Variants in ADD3 observed in about 807,000 individuals in gnomAD.
ADD3 encodes adducin 3.
In ADD3, 25 loss-of-function variants were observed where a neutral mutation model predicts 80.2. That is an observed-to-expected ratio of 0.31 (90% CI 0.23 to 0.44). The LOEUF (loss-of-function observed/expected upper bound fraction) is 0.44. Among genes scored for constraint, ADD3 ranks in the 20% least tolerant of loss-of-function variants. The probability of loss-of-function intolerance (pLI) is 1.00; values close to 1 mark genes in which losing one functional copy is unlikely to be tolerated. For synonymous variants in ADD3, 284 were observed against 289.6 expected, an observed-to-expected ratio of 0.98 and a Z score of 0.20; for missense variants, 829 against 847.5, an observed-to-expected ratio of 0.98 and a Z score of 0.27.
intron 1 of ADD3, among the ~76,000 whole-genome samples, chr10:110,077,648 AGTTCTGTTCC>A (rs1453952359): frequency 5.3e-5 from 8 of 152,126 alleles, no homozygotes; most frequent in Admixed American, 5.2e-4. Flanking sequence ...TGCAGCCCAA[AGTTCTGTTCC>A]ATGCCTCATC....
At chr10:110,115,000 G>T (rs1285792504) in intron 3 of ADD3, among the ~76,000 whole-genome samples, 1 of 150,606 alleles carries the variant, frequency 6.6e-6, no homozygotes, top group Non-Finnish European at 1.5e-5. Context: ...GATTGCCTGA[G>T]CCTAGGAGTT....
intron 1 of ADD3, among the ~76,000 whole-genome samples, chr10:110,041,734 A>G (rs1204159145): frequency 1.3e-5 from 2 of 152,232 alleles, no homozygotes; most frequent in Non-Finnish European, 2.9e-5. Flanking sequence ...TATATGTTTA[A>G]AAAGCAACTA....
chr10:110,050,248 A>G (rs545554596), intron 1 of ADD3, among the ~76,000 whole-genome samples: 19 of 152,238 alleles, frequency 1.2e-4, no homozygotes, highest in African/African-American at 4.6e-4. Context: ...CCCACATCTC[A>G]TCTTGAATTG....
chr10:110,065,934 G>A (rs1843899350), intron 1 of ADD3, among the ~76,000 whole-genome samples: 1 of 151,934 alleles, frequency 6.6e-6, no homozygotes, highest in South Asian at 2.1e-4. Context: ...TTACTCTCTT[G>A]GGTCTCATGT....
At chr10:109,996,404 A>C (rs1452864013) in exon 1 of ADD3, 2 of 152,184 alleles carry the variant, frequency 1.3e-5, no homozygotes, top group South Asian at 4.1e-4. Context: ...TGAGACTGTG[A>C]GAAACTTGGC....
At chr10:110,066,118 C>G (rs553627796) in intron 1 of ADD3, among the ~76,000 whole-genome samples, 2 of 152,112 alleles carry the variant, frequency 1.3e-5, no homozygotes, top group African/African-American at 4.8e-5. Context: ...TTGGGGTTTT[C>G]TGGACCATGC....
intron 1 of ADD3, among the ~76,000 whole-genome samples, chr10:110,088,189 C>T (rs1366801261): frequency 6.6e-6 from 1 of 152,128 alleles, no homozygotes; most frequent in African/African-American, 2.4e-5. Flanking sequence ...TTCAAATAGG[C>T]CACACTGTGA....
chr10:110,012,731 A>G (rs938881490), intron 1 of ADD3, among the ~76,000 whole-genome samples: 2 of 151,832 alleles, frequency 1.3e-5, no homozygotes, highest in African/African-American at 2.4e-5. Context: ...TACAAGATGT[A>G]TAGGCCTTGG....
At chr10:110,030,079 T>A (rs2133180176) in intron 1 of ADD3, among the ~76,000 whole-genome samples, 1 of 152,244 alleles carries the variant, frequency 6.6e-6, no homozygotes, top group South Asian at 2.1e-4. Context: ...ATCCCAGCAC[T>A]TTGGGAGGCC....
At chr10:110,109,552 A>T (rs1050837422) in intron 2 of ADD3, among the ~76,000 whole-genome samples, 6 of 152,236 alleles carry the variant, frequency 3.9e-5, no homozygotes, top group African/African-American at 1.4e-4. Context: ...ATTGTAATAT[A>T]TGTAATGAGT....
chr10:110,048,441 G>A (rs1857140066), intron 1 of ADD3, among the ~76,000 whole-genome samples: 1 of 152,218 alleles, frequency 6.6e-6, no homozygotes, highest in South Asian at 2.1e-4. Flanking sequence ...GGGCTCAGAA[G>A]AAGACAGGAA....
At chr10:110,076,348 T>A (rs1465922415) in intron 1 of ADD3, among the ~76,000 whole-genome samples, 3 of 152,178 alleles carry the variant, frequency 2.0e-5, no homozygotes. Flanking sequence ...CTTTTTAAAA[T>A]AAAATTCCTA....
chr10:110,103,886 G>C (rs1253445592), intron 2 of ADD3, among the ~76,000 whole-genome samples: 1 of 152,076 alleles, frequency 6.6e-6, no homozygotes, highest in Non-Finnish European at 1.5e-5. Flanking sequence ...TATTTTAAAG[G>C]AACCGCAGTC....
Position 110,123,956 on chromosome 10 carries a change from G to T in ADD3, c.1144-61G>T. 4.0e-6 allele frequency: 6 copies of T among 1,509,684 alleles called. No homozygotes were observed. The South Asian group carries it at 7.2e-5, about 18-fold the overall frequency. 93.5% of individuals were successfully genotyped at this position (1,509,684 alleles called of 1,614,324 possible). A position where few individuals can be genotyped will look rare whatever the true frequency, so the allele number is the denominator to read the frequency against. On this transcript the variant is annotated intron_variant, in intron 9 of 14. Transcript: ENST00000356080. Reference sequence around the variant, plus strand: ...ATCATTTGTATACAAAAGGAATTAGGATCCAAATGCTGTTATTGATACAGG... The same window carrying T: ...ATCATTTGTATACAAAAGGAATTAGTATCCAAATGCTGTTATTGATACAGG...
chr10:110,004,715 A>G (rs1229312805), upstream of ADD3, among the ~76,000 whole-genome samples: 1 of 152,192 alleles, frequency 6.6e-6, no homozygotes, highest in East Asian at 1.9e-4. Context: ...ATCATTAACA[A>G]AAGCTGTGCA....
At chr10:110,118,074 A>ACACACACACACACAC (rs1565014036) in intron 5 of ADD3, among the ~76,000 whole-genome samples, 4 of 138,864 alleles carry the variant, frequency 2.9e-5, no homozygotes, top group Non-Finnish European at 4.7e-5. Flanking sequence ...ACACACACAC[A>ACACACACACACACAC]ATGTTCATAG....
intron 1 of ADD3, among the ~76,000 whole-genome samples, chr10:110,087,052 A>G (rs1846863995): frequency 6.6e-6 from 1 of 151,570 alleles, no homozygotes; most frequent in African/African-American, 2.4e-5. Flanking sequence ...TTTGAGACTG[A>G]GTCTGGCTTT....
chr10:110,097,920 G>T (rs1455440418), intron 1 of ADD3, among the ~76,000 whole-genome samples: 1 of 151,770 alleles, frequency 6.6e-6, no homozygotes, highest in African/African-American at 2.4e-5. Flanking sequence ...GACTACAGGC[G>T]CCTGCCACCA....
At chr10:110,060,431 A>G (rs1016371136) in intron 1 of ADD3, among the ~76,000 whole-genome samples, 2 of 152,244 alleles carry the variant, frequency 1.3e-5, no homozygotes, top group Non-Finnish European at 1.5e-5. Flanking sequence ...ATTTTACAAG[A>G]AAGTCCCAAA....
Sources: gnomAD v4.1 joint callset for allele counts (sites outside exome capture counted in the v4.1 genomes callset) on GRCh38, gnomAD v4.1.1 for gene constraint, MANE v1.5 for transcripts, NCBI Gene and HGNC (gene_info 2026-07-23, HGNC 2026-07-21) for gene names.